The following USP6NL variants were observed in gnomAD, a reference collection of about 807,000 sequenced individuals.
USP6NL encodes USP6 N-terminal like.
USP6NL carries 26 observed loss-of-function variants against 61.9 expected under a neutral mutation model. The observed-to-expected ratio is 0.42, with a 90% CI of 0.31 to 0.58. The LOEUF is 0.58. Ranked by LOEUF, USP6NL falls within the 20% of genes least tolerant of loss-of-function variation. USP6NL has a pLI of 0.16. For synonymous variants in USP6NL, 432 were observed against 390.1 expected, an observed-to-expected ratio of 1.11 and a Z score of -1.27; for missense variants, 1,114 against 1,034.3, an observed-to-expected ratio of 1.08 and a Z score of -1.06.
intron 14 of USP6NL, among the ~76,000 whole-genome samples, chr10:11,469,404 T>C (rs1450921382): frequency 6.6e-6 from 1 of 152,158 alleles, no homozygotes; most frequent in Non-Finnish European, 1.5e-5. Flanking sequence ...GTTATAAATA[T>C]CCAAGATCCA....
chr10:11,566,212 G>A (rs987859003), intron 2 of USP6NL, among the ~76,000 whole-genome samples: 4 of 152,182 alleles, frequency 2.6e-5, no homozygotes, highest in Non-Finnish European at 5.9e-5. Context: ...GCTAGAGTGT[G>A]TGGCAGAAAC....
chr10:11,471,611 T>C (rs1832753022), intron 14 of USP6NL, among the ~76,000 whole-genome samples: 2 of 152,004 alleles, frequency 1.3e-5, no homozygotes, highest in African/African-American at 4.8e-5. Flanking sequence ...ATTAAGAAAA[T>C]GTGGCACATA....
rs1331321806 is a variant in USP6NL at position 11,490,865 on chromosome 10, G to C, written c.510C>G (p.Phe170Leu). The part of the protein sequence containing the change: ...DRYGVKQQSL[F>L]HVLAAYSIYN... ...AAATAGAATAGGCAGCAAGCACATG[G>C]AATAAGGATTGTTGCCTAGAGAAAA... The change falls in exon 9 of 15, where the codon TTC becomes TTG. Residue 170 changes from phenylalanine (F) to leucine (L), a missense_variant. Phe to Leu is a conservative substitution (Grantham distance 22). Coordinates refer to ENST00000609104, the MANE Select transcript of USP6NL (RefSeq NM_014688.5). The surrounding 1 kb of genome is among the most constrained non-coding windows in gnomAD (Gnocchi z 4.5). 1 of 1,545,032 alleles carries C rather than the reference G, an allele frequency of 6.5e-7. No homozygotes were observed. The highest frequency in any genetic ancestry group is 1.4e-5 in the African/African-American group (1 of 72,412).
In USP6NL at chr10:11,482,856, CT is replaced by C. The variant is rs937712845; in HGVS notation, c.926-935del. On this transcript the variant is annotated intron_variant, in intron 13 of 14. Coordinates refer to ENST00000609104, the MANE Select transcript of USP6NL (RefSeq NM_014688.5). This position sits in a 1 kb window ranked among gnomAD's most constrained non-coding sequence, Gnocchi z 4.0. ...GTTAATATGCCCAGAAAGAGTTTTT[CT>C]TTTTTTTAATTGGCTAATGACAAAT... 2.0e-5 allele frequency among the ~76,000 whole-genome samples: 3 copies of C among 151,790 alleles called. No homozygotes were observed. The highest frequency in any genetic ancestry group is 7.3e-5 in the African/African-American group (3 of 41,298).
intron 2 of USP6NL, among the ~76,000 whole-genome samples, chr10:11,566,470 G>T (rs776564146): frequency 2.6e-5 from 4 of 152,080 alleles, no homozygotes; most frequent in Non-Finnish European, 5.9e-5. Flanking sequence ...CCACATTCAC[G>T]AACTTATAAG....
chr10:11,475,326 G>A (rs1832925207), intron 14 of USP6NL, among the ~76,000 whole-genome samples: 1 of 149,700 alleles, frequency 6.7e-6, no homozygotes, highest in South Asian at 2.1e-4. Flanking sequence ...ATGTAAAAGA[G>A]GCTGGGTGCG....
At chr10:11,509,202 T>C (rs1467932321) in intron 6 of USP6NL, among the ~76,000 whole-genome samples, 1 of 152,206 alleles carries the variant, frequency 6.6e-6, no homozygotes, top group Admixed American at 6.5e-5. Flanking sequence ...CTGAGCAGTA[T>C]GATCTGTGGA....
intron 7 of USP6NL, among the ~76,000 whole-genome samples, chr10:11,494,378 C>T (rs1833825159): frequency 6.6e-6 from 1 of 152,206 alleles, no homozygotes; most frequent in Non-Finnish European, 1.5e-5. Context: ...CCAAATCTTT[C>T]AGCTCTCAGA....
At chr10:11,579,506 A>C (rs772338655) in intron 2 of USP6NL, among the ~76,000 whole-genome samples, 4 of 152,190 alleles carry the variant, frequency 2.6e-5, no homozygotes, top group African/African-American at 9.7e-5. Context: ...CCTGAATACA[A>C]CACCATTGCC....
intron 2 of USP6NL, among the ~76,000 whole-genome samples, chr10:11,542,734 T>C (rs1368188050): frequency 2.0e-5 from 3 of 151,710 alleles, no homozygotes; most frequent in Non-Finnish European, 4.4e-5. Flanking sequence ...ACAGTAATAA[T>C]AAAACAAAAG....
chr10:11,568,085 G>A (rs1325456568), intron 2 of USP6NL, among the ~76,000 whole-genome samples: 6 of 152,038 alleles, frequency 3.9e-5, no homozygotes, highest in African/African-American at 1.4e-4. Flanking sequence ...TCACAGCTAA[G>A]CCAAATGCAC....
In USP6NL at chr10:11,463,822, G is replaced by A. The variant is rs1832309060; in HGVS notation, c.1106C>T (p.Pro369Leu). The change falls in exon 15 of 15, where the codon CCC becomes CTC. Residue 369 changes from proline to leucine, a missense_variant. Physicochemically the swap from Pro to Leu is moderately conservative, Grantham distance 98. Coordinates refer to ENST00000609104, the MANE Select transcript of USP6NL (RefSeq NM_014688.5). This position sits in a 1 kb window ranked among gnomAD's most constrained non-coding sequence, Gnocchi z 6.3. The stretch of plus-strand genomic sequence containing the variant: ...AAGTTCAGGTGGAAGCTGCCCCAAG[G>A]GCTTCTTTGGATATTCATCCTCTTT... ...PGKEDEYPKKPLGQLPPELQS... is the reference protein window; with the variant it reads ...PGKEDEYPKKLLGQLPPELQS... 6.8e-7 allele frequency: 1 copy of A among 1,469,164 alleles called. No individual in the cohort carries two copies. The highest frequency in any genetic ancestry group is 9.0e-7 in the Non-Finnish European group (1 of 1,110,066). The allele number at this position is 1,469,164 out of a possible 1,614,324, so 91.0% of individuals were successfully genotyped here.
chr10:11,584,084 G>A (rs190479259), intron 2 of USP6NL, among the ~76,000 whole-genome samples: 6 of 152,156 alleles, frequency 3.9e-5, no homozygotes, highest in Admixed American at 3.3e-4. Flanking sequence ...GTGTGGTGGC[G>A]TGTGCCTGTA....
chr10:11,572,423 GTC>G (rs1368379011), intron 2 of USP6NL, among the ~76,000 whole-genome samples: 8 of 151,664 alleles, frequency 5.3e-5, no homozygotes, highest in African/African-American at 1.7e-4. Context: ...AATGACAACA[GTC>G]TCTCTGCTTT....
intron 2 of USP6NL, among the ~76,000 whole-genome samples, chr10:11,581,345 A>G (rs1837765171): frequency 6.6e-6 from 1 of 152,260 alleles, no homozygotes; most frequent in Non-Finnish European, 1.5e-5. Flanking sequence ...CATATGTGTC[A>G]TCAACATCAC....
At position 11,489,893 on chromosome 10, in the gene USP6NL, G is replaced by C. The variant is rs938158287; in HGVS notation, c.544-671C>G. Reference sequence around the variant, plus strand: ...CGTACTGGAACAGAATGCTCACAATGAATCTGTGGGTGCAATCTGAGCCGC... The same window carrying C: ...CGTACTGGAACAGAATGCTCACAATCAATCTGTGGGTGCAATCTGAGCCGC... On this transcript the variant is annotated intron_variant, in intron 9 of 14. Coordinates refer to ENST00000609104, the MANE Select transcript of USP6NL (RefSeq NM_014688.5). The surrounding 1 kb of genome is among the most constrained non-coding windows in gnomAD (Gnocchi z 5.7). Among the ~76,000 whole-genome samples, 11 of 152,226 alleles carry C rather than the reference G, an allele frequency of 7.2e-5. No individual in the cohort carries two copies. Among genetic ancestry groups the C allele is most frequent in the African/African-American group, 2.4e-4 (10 of 41,450 alleles).
In USP6NL at chr10:11,487,619, C is replaced by T. The variant is rs1399892131; in HGVS notation, c.664+1483G>A. Among the ~76,000 whole-genome samples, 1 of 152,066 alleles carries T rather than the reference C, an allele frequency of 6.6e-6. No individual in the cohort carries two copies. The highest frequency in any genetic ancestry group is 2.4e-5 in the African/African-American group (1 of 41,402). On this transcript the variant is annotated intron_variant, in intron 10 of 14. Transcript: ENST00000609104. The surrounding 1 kb of genome is among the most constrained non-coding windows in gnomAD (Gnocchi z 4.2). ...AAGACTGACAGGGAAGAGCGGCTTT[C>T]TTCAAGATGCCTTTTGGAATGATAC... is the stretch of plus-strand genomic sequence containing the variant.
chr10:11,530,454 G>A (rs1055788014), intron 2 of USP6NL, among the ~76,000 whole-genome samples: 18 of 152,194 alleles, frequency 1.2e-4, no homozygotes, highest in Admixed American at 9.8e-4. Flanking sequence ...GAGACTTCCA[G>A]AAATACTGGA....
intron 2 of USP6NL, among the ~76,000 whole-genome samples, chr10:11,579,632 T>G (rs1176530673): frequency 6.6e-6 from 1 of 152,174 alleles, no homozygotes; most frequent in South Asian, 2.1e-4. Flanking sequence ...ATCAGGGCAT[T>G]AATTAGCTGT....
Sources: gnomAD v4.1 joint callset for allele counts (sites outside exome capture counted in the v4.1 genomes callset) on GRCh38, gnomAD v4.1.1 for gene constraint, Gnocchi (gnomAD v3.1) non-coding constraint, MANE v1.5 for transcripts, NCBI Gene and HGNC (gene_info 2026-07-23, HGNC 2026-07-21) for gene names.